The following AFAP1 variants were observed in gnomAD, a reference collection of about 807,000 sequenced individuals.
The protein encoded by AFAP1 is actin filament associated protein 1.
In AFAP1, 75 loss-of-function variants were observed where a neutral mutation model predicts 93.9. That is an observed-to-expected ratio of 0.80 (90% CI 0.66 to 0.97). The LOEUF (loss-of-function observed/expected upper bound fraction) is 0.97. Among genes scored for constraint, AFAP1 ranks in the 50% least tolerant of loss-of-function variants. The pLI, the probability that AFAP1 is intolerant of heterozygous loss-of-function variation, is 0.00. For missense variants in AFAP1, 1,201 were observed against 1,050.8 expected (o/e 1.14, Z -1.98); for synonymous variants, 517 against 430.7 (o/e 1.20, Z -2.48).
At chr4:7,872,787 A>G (rs1477044102) in intron 1 of AFAP1, among the ~76,000 whole-genome samples, 3 of 152,082 alleles carry the variant, frequency 2.0e-5, no homozygotes, top group African/African-American at 7.2e-5. Context: ...GAATGCTAAG[A>G]CATTATTCAC....
At chr4:7,792,750 C>G (rs1717998878) in intron 11 of AFAP1, among the ~76,000 whole-genome samples, 1 of 152,166 alleles carries the variant, frequency 6.6e-6, no homozygotes, top group Admixed American at 6.5e-5. Context: ...GGCTTCAGAG[C>G]CTTCATGCAA....
At chr4:7,857,586 C>A (rs1472234807) in intron 3 of AFAP1, among the ~76,000 whole-genome samples, 1 of 152,230 alleles carries the variant, frequency 6.6e-6, no homozygotes, top group African/African-American at 2.4e-5. Flanking sequence ...ACAGACGCAA[C>A]AGAACCTGAT....
intron 12 of AFAP1, among the ~76,000 whole-genome samples, chr4:7,785,769 T>C (rs1276794579): frequency 6.6e-6 from 1 of 152,086 alleles, no homozygotes; most frequent in Non-Finnish European, 1.5e-5. Context: ...AGATCCCATC[T>C]CTACTAAAAA....
chr4:7,853,555 C>T (rs1200572974), intron 4 of AFAP1, among the ~76,000 whole-genome samples: 1 of 152,136 alleles, frequency 6.6e-6, no homozygotes. Flanking sequence ...GCCGGCCCGA[C>T]CAGACACAGC....
At chr4:7,937,325 G>C (rs1374520241) in intron 1 of AFAP1, among the ~76,000 whole-genome samples, 1 of 152,214 alleles carries the variant, frequency 6.6e-6, no homozygotes, top group Non-Finnish European at 1.5e-5. Flanking sequence ...TTGCTGGTAA[G>C]AGAATTTTTC....
intron 1 of AFAP1, among the ~76,000 whole-genome samples, chr4:7,916,189 A>G (rs1269948061): frequency 1.3e-5 from 2 of 152,188 alleles, no homozygotes; most frequent in Non-Finnish European, 1.5e-5. Context: ...CACAAAAGTG[A>G]CCCACAAAGG....
In AFAP1 at chr4:7,869,265, G is replaced by C. The variant is rs28495226; in HGVS notation, c.128-546C>G. On this transcript the variant is annotated intron_variant, in intron 2 of 17. Transcript: ENST00000420658. ...AGGAAGGGGAAGGGGTGTAAGAAAT[G>C]AATGAAAGCACTCATAGATGGAAAT... 1.5e-3 allele frequency among the ~76,000 whole-genome samples: 229 copies of C among 152,216 alleles called. 1 individual carries two copies. The highest frequency in any genetic ancestry group is 2.4e-3 in the Non-Finnish European group (165 of 68,000).
chr4:7,787,184 C>G (rs1387279585), intron 11 of AFAP1, among the ~76,000 whole-genome samples: 1 of 152,230 alleles, frequency 6.6e-6, no homozygotes, highest in African/African-American at 2.4e-5. Context: ...CATAAAAACC[C>G]AAGAGGATGG....
intron 2 of AFAP1, among the ~76,000 whole-genome samples, chr4:7,871,188 G>C (rs555584775): frequency 6.6e-6 from 1 of 152,286 alleles, no homozygotes; most frequent in East Asian, 1.9e-4. Flanking sequence ...GTGCATCAAA[G>C]AGTTAATGTA....
intron 3 of AFAP1, among the ~76,000 whole-genome samples, chr4:7,866,257 C>T (rs921167873): frequency 2.0e-5 from 3 of 151,764 alleles, no homozygotes; most frequent in Non-Finnish European, 4.4e-5. Context: ...AGTGCAGTGG[C>T]GCAATCTTGG....
chr4:7,859,756 C>T (rs1054511743), intron 3 of AFAP1, among the ~76,000 whole-genome samples: 12 of 152,080 alleles, frequency 7.9e-5, no homozygotes, highest in Non-Finnish European at 1.3e-4. Context: ...AACCTAGGCT[C>T]GTGGGCTTAC....
intron 13 of AFAP1, among the ~76,000 whole-genome samples, chr4:7,779,712 TTC>T (rs1163889524): frequency 6.6e-6 from 1 of 152,194 alleles, no homozygotes; most frequent in African/African-American, 2.4e-5. Context: ...TATTTAAACT[TTC>T]TGAGCCGCCA....
chr4:7,811,068 G>A (rs548892921), intron 8 of AFAP1, among the ~76,000 whole-genome samples: 12 of 152,312 alleles, frequency 7.9e-5, no homozygotes, highest in Admixed American at 3.9e-4. Context: ...CTGTCTGCCC[G>A]TCTCATCTCC....
intron 8 of AFAP1, among the ~76,000 whole-genome samples, chr4:7,814,443 A>G (rs1560175498): frequency 6.6e-6 from 1 of 152,208 alleles, no homozygotes; most frequent in South Asian, 2.1e-4. Context: ...AAATGAAAAC[A>G]TATGTCCACG....
intron 4 of AFAP1, among the ~76,000 whole-genome samples, chr4:7,849,309 T>C (rs1714168235): frequency 6.6e-6 from 1 of 152,086 alleles, no homozygotes; most frequent in East Asian, 1.9e-4. Flanking sequence ...CTTGGAGTTC[T>C]AGTTCTGGGC....
intron 3 of AFAP1, among the ~76,000 whole-genome samples, chr4:7,856,086 G>A (rs1443253640): frequency 2.0e-5 from 3 of 152,184 alleles, no homozygotes; most frequent in Non-Finnish European, 4.4e-5. Flanking sequence ...GAGCCACACT[G>A]GCTGAGTGCA....
At chr4:7,786,370 C>CA (rs1345321219) in intron 11 of AFAP1, 59 bp from the exon 12 acceptor site, 4 of 1,420,574 alleles carry the variant, frequency 2.8e-6, no homozygotes, top group African/African-American at 2.8e-5. Flanking sequence ...TCCAATCAGT[C>CA]AAGTCTTTAA....
At chr4:7,924,177 A>C (rs908316888) in intron 1 of AFAP1, among the ~76,000 whole-genome samples, 2 of 152,216 alleles carry the variant, frequency 1.3e-5, no homozygotes, top group Non-Finnish European at 2.9e-5. Context: ...TGGTTTTGCC[A>C]CCAAAAAAGC....
At chr4:7,772,049 C>T (rs1715517289) in intron 16 of AFAP1, among the ~76,000 whole-genome samples, 1 of 152,240 alleles carries the variant, frequency 6.6e-6, no homozygotes, top group East Asian at 1.9e-4. Context: ...CAACCAGGCT[C>T]AGCATTTTAC....
Sources: allele counts gnomAD v4.1 joint callset (sites outside exome capture counted in the v4.1 genomes callset), GRCh38; gene constraint gnomAD v4.1.1; transcripts MANE v1.5; gene names NCBI Gene and HGNC (gene_info 2026-07-23, HGNC 2026-07-21).